CNTN4: variants seen among roughly 807,000 people sequenced by gnomAD.
CNTN4 encodes the protein contactin-4.
Under a neutral mutation model 122.5 loss-of-function variants are expected in CNTN4, and 77 were observed. The observed-to-expected ratio is 0.63, with a 90% CI of 0.52 to 0.76. The LOEUF (loss-of-function observed/expected upper bound fraction) is 0.76. CNTN4 is among the 30% of genes least tolerant of loss of function. The pLI is 0.00. For missense variants in CNTN4, 1,256 were observed against 1,259.1 expected (o/e 1.00, Z 0.04); for synonymous variants, 512 against 447.0 (o/e 1.15, Z -1.83).
intron 3 of CNTN4, among the ~76,000 whole-genome samples, chr3:2,382,090 G>A (rs1297762402): frequency 6.6e-6 from 1 of 151,892 alleles, no homozygotes; most frequent in Non-Finnish European, 1.5e-5. Flanking sequence ...GTTTAAAGTG[G>A]ACCACTCTAT....
intron 2 of CNTN4, among the ~76,000 whole-genome samples, chr3:2,230,070 C>T (rs1019563361): frequency 5.3e-5 from 8 of 152,104 alleles, no homozygotes; most frequent in African/African-American, 1.4e-4. Context: ...TTAGAGATCC[C>T]TACTCTATTT....
At chr3:2,798,471 A>G (rs919289617) in intron 6 of CNTN4, among the ~76,000 whole-genome samples, 9 of 151,198 alleles carry the variant, frequency 6.0e-5, no homozygotes, top group Admixed American at 1.3e-4. Context: ...TATCTTTGCT[A>G]TTGTGAATAG....
rs111948389 is a variant in CNTN4 at position 2,796,179 on chromosome 3, G to T, written c.359-23307G>T. On this transcript the variant is annotated intron_variant, in intron 6 of 24. Coordinates refer to ENST00000418658, the MANE Select transcript of CNTN4 (RefSeq NM_175607.3). ...ACTTGGTTTTGGACCAAAAAATAGG[G>T]ACTTCAACAAGCTACACTATAACTT... Among the ~76,000 whole-genome samples, 296 of 152,166 alleles carry T rather than the reference G, an allele frequency of 1.9e-3. 4 individuals are homozygous for T. In the South Asian group the frequency reaches 0.028, roughly 15 times the overall value.
chr3:2,222,128 G>T (rs564272475), intron 2 of CNTN4, among the ~76,000 whole-genome samples: 1 of 152,210 alleles, frequency 6.6e-6, no homozygotes, highest in South Asian at 2.1e-4. Context: ...ATTCATAGTT[G>T]CCAAAAAGTG....
At chr3:2,611,213 A>G (rs1237858960) in intron 4 of CNTN4, among the ~76,000 whole-genome samples, 1 of 149,350 alleles carries the variant, frequency 6.7e-6, no homozygotes, top group Non-Finnish European at 1.5e-5. Flanking sequence ...TCATTAAATC[A>G]TATAGCACCT....
chr3:2,422,671 C>T lies in CNTN4; in HGVS notation c.-89+83438C>T, dbSNP rs138633158. Among the ~76,000 whole-genome samples, 161 of 152,300 alleles carry T rather than the reference C, an allele frequency of 1.1e-3. 2 individuals are homozygous for T. The highest frequency in any genetic ancestry group is 3.6e-3 in the African/African-American group (151 of 41,570). On this transcript the variant is annotated intron_variant, in intron 3 of 24. Transcript: ENST00000418658. ...TTTATTGATTTCCTGAATCTCTGTA[C>T]ATCCTTAAAATAATTCAGAATTGGA...
intron 4 of CNTN4, among the ~76,000 whole-genome samples, chr3:2,624,545 C>G (rs2082109587): frequency 6.6e-6 from 1 of 151,662 alleles, no homozygotes; most frequent in Non-Finnish European, 1.5e-5. Flanking sequence ...GCTAATTCAG[C>G]TCCCATTTCC....
intron 2 of CNTN4, among the ~76,000 whole-genome samples, chr3:2,272,967 G>A (rs1200699900): frequency 6.6e-6 from 1 of 152,040 alleles, no homozygotes; most frequent in Non-Finnish European, 1.5e-5. Context: ...TGTCCCCAAA[G>A]CCCTGCGTCT....
chr3:3,000,841 A>G (rs1046201541), intron 14 of CNTN4, among the ~76,000 whole-genome samples: 30 of 149,194 alleles, frequency 2.0e-4, no homozygotes, highest in African/African-American at 7.4e-4. Context: ...ATTCTGTCAC[A>G]CTGACTTTGT....
intron 4 of CNTN4, among the ~76,000 whole-genome samples, chr3:2,613,305 A>G (rs994693297): frequency 6.6e-6 from 1 of 152,142 alleles, no homozygotes; most frequent in Admixed American, 6.6e-5. Flanking sequence ...GACATCACAT[A>G]GCCAAACCAA....
At chr3:2,331,533 C>G (rs1161451093) in intron 2 of CNTN4, among the ~76,000 whole-genome samples, 2 of 152,130 alleles carry the variant, frequency 1.3e-5, no homozygotes, top group African/African-American at 4.8e-5. Context: ...GATGTAATCA[C>G]TGATTTAGAG....
chr3:2,335,115 T>C (rs2043890964), intron 2 of CNTN4, among the ~76,000 whole-genome samples: 1 of 152,190 alleles, frequency 6.6e-6, no homozygotes, highest in Non-Finnish European at 1.5e-5. Flanking sequence ...GCAGCTGATT[T>C]GTTCAAAGAT....
At chr3:2,611,792 A>G (rs181361592) in intron 4 of CNTN4, among the ~76,000 whole-genome samples, 4 of 152,222 alleles carry the variant, frequency 2.6e-5, no homozygotes, top group Admixed American at 2.6e-4. Flanking sequence ...ACTAGCCAAG[A>G]TGTTTTGTCT....
chr3:2,113,802 GT>G, intron 2 of CNTN4, among the ~76,000 whole-genome samples: 1 of 152,282 alleles, frequency 6.6e-6, no homozygotes, highest in Middle Eastern at 3.4e-3. Flanking sequence ...GTGAAAACAT[GT>G]TGTCATCACT....
intron 2 of CNTN4, among the ~76,000 whole-genome samples, chr3:2,197,222 C>T (rs975118794): frequency 1.3e-5 from 2 of 152,110 alleles, no homozygotes; most frequent in South Asian, 2.1e-4. Context: ...GCCTCTACTG[C>T]TCTTTCTAGC....
chr3:2,871,945 A>C (rs1045382989), intron 8 of CNTN4, among the ~76,000 whole-genome samples: 1 of 152,204 alleles, frequency 6.6e-6, no homozygotes, highest in Non-Finnish European at 1.5e-5. Flanking sequence ...TGCTTTGAGA[A>C]GATAACTGAT....
intron 3 of CNTN4, among the ~76,000 whole-genome samples, chr3:2,520,588 TA>T (rs1559631304): frequency 6.6e-6 from 1 of 152,014 alleles, no homozygotes; most frequent in Non-Finnish European, 1.5e-5. Context: ...TTTCCTTTTT[TA>T]AAAAAACTTT....
intron 2 of CNTN4, among the ~76,000 whole-genome samples, chr3:2,101,061 C>T (rs1446567361): frequency 1.3e-5 from 2 of 152,160 alleles, no homozygotes; most frequent in South Asian, 4.1e-4. Flanking sequence ...CTTTTCAAGT[C>T]AATTGGGAGT....
chr3:2,394,058 G>A (rs1180917048), intron 3 of CNTN4, among the ~76,000 whole-genome samples: 3 of 151,980 alleles, frequency 2.0e-5, no homozygotes, highest in African/African-American at 7.3e-5. Flanking sequence ...GGTTATCCAC[G>A]TAAAATCAAA....
Sources: allele counts gnomAD v4.1 joint callset (sites outside exome capture counted in the v4.1 genomes callset), GRCh38; gene constraint gnomAD v4.1.1; transcripts MANE v1.5; gene names NCBI Gene and HGNC (gene_info 2026-07-23, HGNC 2026-07-21).